The following KIAA0825 variants were observed in gnomAD, a reference collection of about 807,000 sequenced individuals.
KIAA0825 encodes the protein KIAA0825, also known as uncharacterized protein KIAA0825.
Under a neutral mutation model 147.6 loss-of-function variants are expected in KIAA0825, and 119 were observed. The observed-to-expected ratio is 0.81, with a 90% CI of 0.69 to 0.94. The LOEUF is 0.94. Among genes scored for constraint, KIAA0825 ranks in the 40% least tolerant of loss-of-function variants. The pLI, the probability that KIAA0825 is intolerant of heterozygous loss-of-function variation, is 0.00. For missense variants in KIAA0825, 1,381 were observed against 1,472.7 expected (o/e 0.94, Z 1.02); for synonymous variants, 470 against 518.1 (o/e 0.91, Z 1.26).
chr5:94,281,746 T>A (rs1157377273), intron 20 of KIAA0825, among the ~76,000 whole-genome samples: 1 of 152,030 alleles, frequency 6.6e-6, no homozygotes, highest in Admixed American at 6.6e-5. Flanking sequence ...CCCCTGAGAG[T>A]GCAAAATAGG....
intron 3 of KIAA0825, among the ~76,000 whole-genome samples, chr5:94,529,748 G>C (rs1025596197): frequency 6.6e-6 from 1 of 151,922 alleles, no homozygotes; most frequent in Non-Finnish European, 1.5e-5. Flanking sequence ...TTAAGAAAAG[G>C]AAAAATGCAT....
intron 20 of KIAA0825, among the ~76,000 whole-genome samples, chr5:94,318,244 A>G (rs1402393836): frequency 6.6e-6 from 1 of 151,836 alleles, no homozygotes; most frequent in Non-Finnish European, 1.5e-5. Flanking sequence ...TAGTTAGTCT[A>G]TTATAGATTA....
At chr5:94,353,279 T>G (rs10069664) in intron 20 of KIAA0825, among the ~76,000 whole-genome samples, 22,446 of 152,122 alleles carry the variant, frequency 0.15, 1,943 homozygotes, top group African/African-American at 0.24. Context: ...AAAGACAATA[T>G]GAAGTCTTCA....
At chr5:94,484,284 A>G (rs1762797812) in intron 6 of KIAA0825, among the ~76,000 whole-genome samples, 2 of 151,810 alleles carry the variant, frequency 1.3e-5, no homozygotes, top group African/African-American at 4.8e-5. Flanking sequence ...ACAACCCTAT[A>G]TAACATTATA....
chr5:94,254,996 T>A (rs576178402), intron 20 of KIAA0825, among the ~76,000 whole-genome samples: 1 of 152,026 alleles, frequency 6.6e-6, no homozygotes, highest in East Asian at 1.9e-4. Flanking sequence ...AACAGATAAA[T>A]TAGAAAGTGT....
At chr5:94,581,615 A>C (rs907561089) in intron 2 of KIAA0825, among the ~76,000 whole-genome samples, 1 of 152,232 alleles carries the variant, frequency 6.6e-6, no homozygotes, top group African/African-American at 2.4e-5. Flanking sequence ...CTTTGCTTTG[A>C]AACTCCTGAA....
intron 20 of KIAA0825, among the ~76,000 whole-genome samples, chr5:94,372,884 TGCCACTTAGAA>T (rs932380799): frequency 6.6e-6 from 1 of 152,202 alleles, no homozygotes; most frequent in African/African-American, 2.4e-5. Flanking sequence ...TTGAATGCTT[TGCCACTTAGAA>T]ATTTCTTCTG....
chr5:94,458,560 T>G (rs1418083759), intron 12 of KIAA0825, among the ~76,000 whole-genome samples: 1 of 152,154 alleles, frequency 6.6e-6, no homozygotes, highest in Non-Finnish European at 1.5e-5. Flanking sequence ...CTGGCTCTTT[T>G]GGGGTATTTT....
intron 20 of KIAA0825, among the ~76,000 whole-genome samples, chr5:94,218,650 G>A (rs1773409957): frequency 1.3e-5 from 2 of 152,146 alleles, no homozygotes; most frequent in Non-Finnish European, 2.9e-5. Context: ...ATACCACAGA[G>A]TTGATTTCAT....
intron 2 of KIAA0825, among the ~76,000 whole-genome samples, chr5:94,580,831 C>G (rs1282807620): frequency 6.5e-5 from 2 of 30,822 alleles, no homozygotes; most frequent in African/African-American, 2.8e-4. Context: ...AGCCGAGATC[C>G]CGCCACTGCA....
chr5:94,443,124 A>G (rs1757296025), intron 13 of KIAA0825, among the ~76,000 whole-genome samples: 1 of 152,148 alleles, frequency 6.6e-6, no homozygotes, highest in South Asian at 2.1e-4. Flanking sequence ...GGATCTTTCA[A>G]CTTATCACAG....
At chr5:94,550,560 C>T (rs1353504960) in intron 2 of KIAA0825, among the ~76,000 whole-genome samples, 1 of 152,114 alleles carries the variant, frequency 6.6e-6, no homozygotes. Flanking sequence ...TGAAGAAACA[C>T]AATAATTCAC....
intron 20 of KIAA0825, among the ~76,000 whole-genome samples, chr5:94,297,635 G>T (rs145853248): frequency 2.0e-5 from 3 of 151,684 alleles, no homozygotes; most frequent in African/African-American, 4.8e-5. Context: ...TCAATCTGTC[G>T]CCCGGGCTAG....
chr5:94,341,254 CAGAG>C (rs1236819926), intron 20 of KIAA0825, among the ~76,000 whole-genome samples: 1 of 152,190 alleles, frequency 6.6e-6, no homozygotes, highest in Non-Finnish European at 1.5e-5. Flanking sequence ...TCATATCAGA[CAGAG>C]AGTTTTGTTT....
chr5:94,171,157 G>A (rs925505399), intron 20 of KIAA0825, among the ~76,000 whole-genome samples: 1 of 152,152 alleles, frequency 6.6e-6, no homozygotes, highest in Admixed American at 6.5e-5. Flanking sequence ...GGAACTTGGT[G>A]GGAGGTGATT....
At chr5:94,179,241 A>C (rs1461057298) in intron 20 of KIAA0825, among the ~76,000 whole-genome samples, 1 of 152,128 alleles carries the variant, frequency 6.6e-6, no homozygotes, top group African/African-American at 2.4e-5. Flanking sequence ...AAACACATAG[A>C]ACTGTACACA....
intron 5 of KIAA0825, among the ~76,000 whole-genome samples, chr5:94,492,782 A>G (rs1352547510): frequency 6.6e-6 from 1 of 152,208 alleles, no homozygotes; most frequent in Non-Finnish European, 1.5e-5. Flanking sequence ...AACAGGAAAT[A>G]TTTTGGAGAG....
At position 94,442,720 on chromosome 5, in the gene KIAA0825, G is replaced by A. The variant is rs574215149; in HGVS notation, c.2358-2599C>T. On this transcript the variant is annotated intron_variant, in intron 13 of 20. Coordinates refer to ENST00000682413, the MANE Select transcript of KIAA0825 (RefSeq NM_001145678.3). The stretch of plus-strand genomic sequence containing the variant: ...GTATATTAAAATTGACTTGGGTTTT[G>A]AACATTTCCTACCTATATATTATGC... Among the ~76,000 whole-genome samples the A allele has an allele frequency of 8.5e-5, 13 of 152,216 alleles. No homozygotes were observed. The South Asian group carries it at 2.1e-3, about 24-fold the overall frequency.
chr5:94,312,220 G>GGT (rs142667357), intron 20 of KIAA0825, among the ~76,000 whole-genome samples: 157 of 149,394 alleles, frequency 1.1e-3, no homozygotes, highest in South Asian at 2.1e-3. Flanking sequence ...TAATATACAT[G>GGT]GTGTGTGTGT....
Sources: gnomAD v4.1 joint callset for allele counts (sites outside exome capture counted in the v4.1 genomes callset) on GRCh38, gnomAD v4.1.1 for gene constraint, MANE v1.5 for transcripts, NCBI Gene and HGNC (gene_info 2026-07-23, HGNC 2026-07-21) for gene names.